Variants in NCR3LG1 observed in about 807,000 individuals in gnomAD.
NCR3LG1 encodes natural cytotoxicity triggering receptor 3 ligand 1.
NCR3LG1 carries 35 observed loss-of-function variants against 34.8 expected under a neutral mutation model. The ratio of observed to expected loss-of-function variants is 1.01; its 90% confidence interval spans 0.77 to 1.33. NCR3LG1 has a LOEUF of 1.33. Among genes scored for constraint, NCR3LG1 ranks in the 40% most tolerant of loss-of-function variants. The pLI is 0.00. For missense variants in NCR3LG1, 452 were observed against 423.3 expected (o/e 1.07, Z -0.60); for synonymous variants, 173 against 163.6 (o/e 1.06, Z -0.44).
intron 2 of NCR3LG1, among the ~76,000 whole-genome samples, chr11:17,362,678 TCC>T (rs1212671043): frequency 1.8e-4 from 7 of 38,980 alleles, no homozygotes; most frequent in East Asian, 5.4e-4. Context: ...AGTGTCTCCT[TCC>T]TTCCTTCCTT....
Position 17,352,055 on chromosome 11 carries a change from G to T in NCR3LG1, c.70+16G>T. On this transcript the variant is annotated intron_variant, in intron 1 of 4. Transcript: ENST00000338965. ...ACGACCGAAGGTAGGGGGCGGCTGG[G>T]GTGGGCTGGGGCGGGGGCTCCTGGC... 1 of 1,471,092 alleles carries T rather than the reference G, an allele frequency of 6.8e-7. No homozygotes were observed. 91.1% of individuals were successfully genotyped at this position (1,471,092 alleles called of 1,614,324 possible).
chr11:17,377,574 CT>C (rs1205466019), downstream of NCR3LG1, among the ~76,000 whole-genome samples: 1 of 152,220 alleles, frequency 6.6e-6, no homozygotes, highest in Non-Finnish European at 1.5e-5. Context: ...TCGTGAGTGA[CT>C]ATCCTGAGTA....
downstream of NCR3LG1, among the ~76,000 whole-genome samples, chr11:17,378,254 A>G (rs1287201265): frequency 6.6e-6 from 1 of 152,146 alleles, no homozygotes; most frequent in South Asian, 2.1e-4. Context: ...CAATACCTCT[A>G]GTCAAGTAGA....
chr11:17,372,104 A>G lies in NCR3LG1; in HGVS notation c.957A>G (p.Ile319Met). The change falls in exon 5 of 5, where the codon ATA becomes ATG. Residue 319 changes from isoleucine to methionine, a missense_variant. Physicochemically the swap from Ile to Met is conservative, Grantham distance 10. Coordinates refer to ENST00000338965, the MANE Select transcript of NCR3LG1 (RefSeq NM_001202439.3). ...DTQTLKKEHL[I>M]FFCTRAWPSY... ...AGACTCTGAAGAAAGAGCACCTCATATTCTTTTGCACTCGGGCATGGCCGT... is the reference window on the plus strand; with the variant it reads ...AGACTCTGAAGAAAGAGCACCTCATGTTCTTTTGCACTCGGGCATGGCCGT... 1 of 702,986 alleles carries G rather than the reference A, an allele frequency of 1.4e-6. No individual in the cohort carries two copies. The highest frequency in any genetic ancestry group is 2.6e-6 in the Non-Finnish European group (1 of 385,000). 43.5% of individuals were successfully genotyped at this position (702,986 alleles called of 1,614,324 possible).
In NCR3LG1 at chr11:17,373,952, C is replaced by A. The variant is rs1386580240; in HGVS notation, c.*1440C>A. 6.6e-6 allele frequency: 1 copy of A among 152,128 alleles called. No homozygotes were observed. Among genetic ancestry groups the A allele is most frequent in the South Asian group, 2.1e-4 (1 of 4,820 alleles). 9.4% of individuals were successfully genotyped at this position (152,128 alleles called of 1,614,324 possible). A position where few individuals can be genotyped will look rare whatever the true frequency, so the allele number is the denominator to read the frequency against. ...AACCACTATACCAGTCTGGATCCACCTCAAGGATCCCACTTTTTTTCCTAA... is the reference window on the plus strand; with the variant it reads ...AACCACTATACCAGTCTGGATCCACATCAAGGATCCCACTTTTTTTCCTAA... On this transcript the variant is annotated 3_prime_UTR_variant, in exon 5 of 5. Coordinates refer to ENST00000338965, the MANE Select transcript of NCR3LG1 (RefSeq NM_001202439.3).
In NCR3LG1 at chr11:17,362,687, CCTTCCTTTCTTTCTTTCTTTCTTTCTTT is replaced by C. The variant is rs1953284890; in HGVS notation, c.422-4318_422-4291del. 3.1e-4 allele frequency among the ~76,000 whole-genome samples: 5 copies of C among 16,002 alleles called. No homozygotes were observed. The African/African-American group carries it at 4.9e-3, about 16-fold the overall frequency. The allele number at this position is 16,002 out of a possible 152,430, so 10.5% of individuals were successfully genotyped here. A position where few individuals can be genotyped will look rare whatever the true frequency, so the allele number is the denominator to read the frequency against. On this transcript the variant is annotated intron_variant, in intron 2 of 4. Transcript: ENST00000338965. The stretch of plus-strand genomic sequence containing the variant: ...TGACTCAGTGTCTCCTTCCTTCCTT[CCTTCCTTTCTTTCTTTCTTTCTTTCTTT>C]CTTTCTTTCTTTCTTTCTTTCTTTC...
chr11:17,364,056 C>A (rs1432507382), intron 2 of NCR3LG1, among the ~76,000 whole-genome samples: 1 of 152,030 alleles, frequency 6.6e-6, no homozygotes, highest in Non-Finnish European at 1.5e-5. Flanking sequence ...CAAATTATTT[C>A]TTCTGCTCCT....
Position 17,372,501 on chromosome 11 carries a change from C to T in NCR3LG1, c.1354C>T (p.Pro452Ser), listed in dbSNP as rs1176630665. The change falls in exon 5 of 5, where the codon CCC becomes TCC. Residue 452 changes from proline to serine, a missense_variant. Physicochemically the swap from Pro to Ser is moderately conservative, Grantham distance 74. Transcript: ENST00000338965. ...CTCCCAACCCCCAACTTTACTGTTA[C>T]CCCTACAGTAAATGCCTGATGGACC... ...LSSQPPTLLL[P>S]LQ is the part of the protein sequence containing the mutation. The T allele has an allele frequency of 2.9e-6, 2 of 698,548 alleles. No individual in the cohort carries two copies. The highest frequency in any genetic ancestry group is 1.5e-5 in the South Asian group (1 of 67,004). 43.3% of individuals were successfully genotyped at this position (698,548 alleles called of 1,614,324 possible). A position where few individuals can be genotyped will look rare whatever the true frequency, so the allele number is the denominator to read the frequency against.
intron 2 of NCR3LG1, among the ~76,000 whole-genome samples, chr11:17,357,372 A>G (rs1350393675): frequency 1.3e-5 from 2 of 152,142 alleles, no homozygotes; most frequent in Non-Finnish European, 2.9e-5. Flanking sequence ...TACCAATCAT[A>G]TTGGATCAGA....
Position 17,372,278 on chromosome 11 carries a change from A to G in NCR3LG1, c.1131A>G (p.Pro377=), listed in dbSNP as rs1471650949. 3.3e-5 allele frequency: 23 copies of G among 703,056 alleles called. No individual in the cohort carries two copies. The highest frequency in any genetic ancestry group is 2.3e-4 in the Middle Eastern group (1 of 4,392). The allele number at this position is 703,056 out of a possible 1,614,324, so 43.6% of individuals were successfully genotyped here. The change falls in exon 5 of 5, where the codon CCA becomes CCG. Residue 377 remains proline (P), a synonymous_variant. Coordinates refer to ENST00000338965, the MANE Select transcript of NCR3LG1 (RefSeq NM_001202439.3). ...VQAFFALRDN[P]DLCQCCRIDP... is the part of the protein sequence containing the mutation. Reference sequence around the variant, plus strand: ...CCTTCTTTGCCTTGCGAGACAACCCAGATCTTTGTCAGTGTTGTAGAATTG... The same window carrying G: ...CCTTCTTTGCCTTGCGAGACAACCCGGATCTTTGTCAGTGTTGTAGAATTG...
chr11:17,352,178 T>A, intron 1 of NCR3LG1, 139 bp downstream of exon 1: 1 of 36,340 alleles, frequency 2.8e-5, no homozygotes, highest in Admixed American at 3.2e-4. Context: ...TTTCTTCTCC[T>A]TTTTTTTTTT....
At chr11:17,354,528 ACC>A (rs1248763142) in intron 1 of NCR3LG1, among the ~76,000 whole-genome samples, 1 of 93,084 alleles carries the variant, frequency 1.1e-5, no homozygotes, top group East Asian at 3.0e-4. Context: ...TCTCCCTCCG[ACC>A]CCCCAATTCT....
At chr11:17,354,433 GA>G (rs1228063339) in intron 1 of NCR3LG1, among the ~76,000 whole-genome samples, 1 of 151,142 alleles carries the variant, frequency 6.6e-6, no homozygotes, top group Non-Finnish European at 1.5e-5. Context: ...TTGATTTGTT[GA>G]TTTAAATCTT....
At chr11:17,360,488 C>T (rs75484486) in intron 2 of NCR3LG1, among the ~76,000 whole-genome samples, 148 of 152,254 alleles carry the variant, frequency 9.7e-4, no homozygotes, top group African/African-American at 3.1e-3. Context: ...TAGATTTTCT[C>T]CTGTGTTATC....
At chr11:17,354,037 G>C (rs1953175235) in intron 1 of NCR3LG1, among the ~76,000 whole-genome samples, 1 of 152,154 alleles carries the variant, frequency 6.6e-6, no homozygotes. Flanking sequence ...AGAGATTCTA[G>C]CCCGTCTTTG....
At position 17,351,922 on chromosome 11, in the gene NCR3LG1, C is replaced by T; in HGVS notation, c.-48C>T. 6.9e-7 allele frequency: 1 copy of T among 1,444,706 alleles called. No individual in the cohort carries two copies. The highest frequency in any genetic ancestry group is 1.2e-5 in the South Asian group (1 of 81,814). The allele number at this position is 1,444,706 out of a possible 1,614,324, so 89.5% of individuals were successfully genotyped here. On this transcript the variant is annotated 5_prime_UTR_variant, in exon 1 of 5. Transcript: ENST00000338965. Reference sequence around the variant, plus strand: ...CCCCTGCCCTTGGTTTCTACCGGGCCGCCTGCTCCCACTCGGCGAAAAAAA... The same window carrying T: ...CCCCTGCCCTTGGTTTCTACCGGGCTGCCTGCTCCCACTCGGCGAAAAAAA...
At chr11:17,367,399 C>G in intron 3 of NCR3LG1, 52 bp downstream of exon 3, 8 of 1,368,080 alleles carry the variant, frequency 5.8e-6, no homozygotes, top group Non-Finnish European at 7.9e-6. Context: ...GGGACTATAA[C>G]ATAAGACTTA....
chr11:17,357,051 C>A, intron 2 of NCR3LG1, 50 bp downstream of exon 2: 1 of 1,282,188 alleles, frequency 7.8e-7, no homozygotes, highest in Non-Finnish European at 1.0e-6. Context: ...TTGGGGTTAG[C>A]AACAACAAAA....
chr11:17,363,497 C>A, intron 2 of NCR3LG1, among the ~76,000 whole-genome samples: 1 of 120,614 alleles, frequency 8.3e-6, no homozygotes, highest in Admixed American at 8.7e-5. Context: ...TTCTGTCTTT[C>A]TTTTCCCTCC....
Sources: allele counts gnomAD v4.1 joint callset (sites outside exome capture counted in the v4.1 genomes callset), GRCh38; gene constraint gnomAD v4.1.1; transcripts MANE v1.5; gene names NCBI Gene and HGNC (gene_info 2026-07-23, HGNC 2026-07-21).